Variants in CTNNA2 observed in about 807,000 individuals in gnomAD.
The protein encoded by CTNNA2 is catenin alpha-2.
A neutral mutation model predicts 101.0 loss-of-function variants in CTNNA2; 42 were observed. That is an observed-to-expected ratio of 0.42 (90% CI 0.32 to 0.54). CTNNA2 has a LOEUF of 0.54. CTNNA2 is among the 20% of genes least tolerant of loss of function. CTNNA2 has a pLI of 0.14. For missense variants in CTNNA2, 871 were observed against 1,223.1 expected, an observed-to-expected ratio of 0.71 and a Z score of 4.29; for synonymous variants, 450 against 456.4, an observed-to-expected ratio of 0.99 and a Z score of 0.18.
At chr2:80,632,618 C>T (rs1427633684) in intron 18 of CTNNA2, among the ~76,000 whole-genome samples, 1 of 152,074 alleles carries the variant, frequency 6.6e-6, no homozygotes, top group Non-Finnish European at 1.5e-5. Context: ...AAGAAAACTT[C>T]TTTTAGAAGT....
At chr2:79,229,004 G>A (rs537514346) in intron 2 of CTNNA2, among the ~76,000 whole-genome samples, 1 of 152,148 alleles carries the variant, frequency 6.6e-6, no homozygotes, top group South Asian at 2.1e-4. Context: ...ACCATTTATG[G>A]AATAAAGAGT....
intron 2 of CTNNA2, among the ~76,000 whole-genome samples, chr2:79,262,881 T>G (rs1191925287): frequency 6.6e-6 from 1 of 152,184 alleles, no homozygotes; most frequent in Non-Finnish European, 1.5e-5. Context: ...AGAAAATATT[T>G]ATGGGTTAAC....
At chr2:80,582,468 A>T (rs1318463904) in intron 14 of CTNNA2, among the ~76,000 whole-genome samples, 1 of 152,318 alleles carries the variant, frequency 6.6e-6, no homozygotes, top group South Asian at 2.1e-4. Flanking sequence ...CAACAGAGAG[A>T]GTACCAGCTC....
At chr2:80,202,090 G>A (rs1707246163) in intron 7 of CTNNA2, among the ~76,000 whole-genome samples, 1 of 152,028 alleles carries the variant, frequency 6.6e-6, no homozygotes, top group South Asian at 2.1e-4. Flanking sequence ...CCTTGTTTAT[G>A]TTTACTTTTC....
At chr2:79,534,463 T>C (rs1005624337) in intron 1 of CTNNA2, among the ~76,000 whole-genome samples, 6 of 152,130 alleles carry the variant, frequency 3.9e-5, no homozygotes, top group African/African-American at 1.4e-4. Flanking sequence ...ATCCAGTTCC[T>C]TGTCTTTCAG....
intron 2 of CTNNA2, among the ~76,000 whole-genome samples, chr2:79,735,762 G>A (rs1670829901): frequency 6.6e-6 from 1 of 152,114 alleles, no homozygotes; most frequent in African/African-American, 2.4e-5. Context: ...ATATCTTCAA[G>A]GTTTCAGAAA....
chr2:79,785,498 C>A (rs1311325151), intron 3 of CTNNA2, among the ~76,000 whole-genome samples: 5 of 152,166 alleles, frequency 3.3e-5, no homozygotes, highest in Non-Finnish European at 2.9e-5. Context: ...CCATGACCAT[C>A]CTGTATGAAA....
At chr2:79,583,222 A>AT (rs1676258943) in intron 1 of CTNNA2, among the ~76,000 whole-genome samples, 3 of 149,828 alleles carry the variant, frequency 2.0e-5, no homozygotes, top group African/African-American at 7.3e-5. Context: ...TATATATATA[A>AT]AATATATATA....
chr2:79,897,112 A>G (rs1346124875), intron 6 of CTNNA2, among the ~76,000 whole-genome samples: 1 of 152,170 alleles, frequency 6.6e-6, no homozygotes, highest in African/African-American at 2.4e-5. Flanking sequence ...AATGCAACTC[A>G]TTGCTTTATT....
At position 79,287,566 on chromosome 2, in the gene CTNNA2, C is replaced by T. The variant is rs868044159; in HGVS notation, c.-405-25143C>T. Reference sequence around the variant, plus strand: ...GGGGGTGCCTCCCAGTTAGGCTGCTCAGGGGTCAGGGACCCACTTGAGGAG... The same window carrying T: ...GGGGGTGCCTCCCAGTTAGGCTGCTTAGGGGTCAGGGACCCACTTGAGGAG... On this transcript the variant is annotated intron_variant, in intron 2 of 21. Transcript: ENST00000466387. 5.5e-4 allele frequency among the ~76,000 whole-genome samples: 31 copies of T among 56,820 alleles called. 2 individuals carry two copies. Among genetic ancestry groups the T allele is most frequent in the East Asian group, 1.1e-3 (2 of 1,860 alleles). 37.3% of individuals were successfully genotyped at this position (56,820 alleles called of 152,430 possible). A position where few individuals can be genotyped will look rare whatever the true frequency, so the allele number is the denominator to read the frequency against.
At chr2:79,449,312 G>C (rs1298317857) in intron 4 of CTNNA2, among the ~76,000 whole-genome samples, 1 of 151,964 alleles carries the variant, frequency 6.6e-6, no homozygotes, top group Non-Finnish European at 1.5e-5. Flanking sequence ...AGAGATAATA[G>C]ACATTGTTAT....
intron 1 of CTNNA2, among the ~76,000 whole-genome samples, chr2:79,646,356 T>C (rs1481519174): frequency 6.6e-6 from 1 of 152,134 alleles, no homozygotes; most frequent in Non-Finnish European, 1.5e-5. Flanking sequence ...GACTTTTCTT[T>C]TCTGTCAGGT....
intron 3 of CTNNA2, among the ~76,000 whole-genome samples, chr2:79,839,400 C>A (rs557151531): frequency 6.6e-6 from 1 of 152,016 alleles, no homozygotes; most frequent in South Asian, 2.1e-4. Flanking sequence ...ATATGGACTT[C>A]TTTTTACTTA....
intron 4 of CTNNA2, among the ~76,000 whole-genome samples, chr2:79,421,959 C>T (rs1362153911): frequency 6.6e-6 from 1 of 152,160 alleles, no homozygotes; most frequent in Non-Finnish European, 1.5e-5. Context: ...TTGAGACCAG[C>T]CTGGCCAACA....
intron 16 of CTNNA2, among the ~76,000 whole-genome samples, chr2:80,606,413 C>G (rs1281989617): frequency 2.1e-5 from 1 of 48,596 alleles, no homozygotes; most frequent in Non-Finnish European, 4.6e-5. Flanking sequence ...CACACACACA[C>G]CCCCCAGGAT....
chr2:79,849,894 G>A (rs1406051670), intron 3 of CTNNA2, among the ~76,000 whole-genome samples: 2 of 152,178 alleles, frequency 1.3e-5, no homozygotes, highest in African/African-American at 2.4e-5. Flanking sequence ...TGCCAGGCAG[G>A]CGTTCCTTTC....
intron 11 of CTNNA2, among the ~76,000 whole-genome samples, chr2:80,551,999 T>A (rs938133344): frequency 1.3e-5 from 2 of 152,090 alleles, no homozygotes; most frequent in Non-Finnish European, 2.9e-5. Flanking sequence ...TAGGCCTAAT[T>A]TTAATATTGT....
intron 8 of CTNNA2, among the ~76,000 whole-genome samples, chr2:80,399,214 C>A (rs1288477725): frequency 6.6e-6 from 1 of 151,936 alleles, no homozygotes; most frequent in South Asian, 2.1e-4. Flanking sequence ...CTACCTCTAC[C>A]TTAGGAAAAT....
intron 1 of CTNNA2, chr2:79,636,801 T>C (rs1558791108): frequency 1.3e-5 from 2 of 152,206 alleles, no homozygotes; most frequent in Non-Finnish European, 2.9e-5. Flanking sequence ...TTTTTCTATA[T>C]GCAAATATAT....
Sources: allele counts gnomAD v4.1 joint callset (sites outside exome capture counted in the v4.1 genomes callset), GRCh38; gene constraint gnomAD v4.1.1; transcripts MANE v1.5; gene names NCBI Gene and HGNC (gene_info 2026-07-23, HGNC 2026-07-21).